CNTNAP5: variants seen among roughly 807,000 people sequenced by gnomAD.
CNTNAP5 encodes the protein contactin associated protein family member 5.
Under a neutral mutation model 150.2 loss-of-function variants are expected in CNTNAP5, and 72 were observed. That is an observed-to-expected ratio of 0.48 (90% CI 0.40 to 0.58). CNTNAP5 has a LOEUF of 0.58. Among genes scored for constraint, CNTNAP5 ranks in the 20% least tolerant of loss-of-function variants. CNTNAP5 has a pLI of 0.00. For missense variants in CNTNAP5, 1,636 were observed against 1,626.2 expected (o/e 1.01, Z -0.10); for synonymous variants, 672 against 619.8 (o/e 1.08, Z -1.25).
chr2:124,297,379 G>T (rs114652474), intron 3 of CNTNAP5, among the ~76,000 whole-genome samples: 3,203 of 152,210 alleles, frequency 0.021, 99 homozygotes, highest in African/African-American at 0.067. Flanking sequence ...CTGGGAAAAT[G>T]CACAGGAATG....
chr2:124,091,380 G>C (rs1053929309), intron 1 of CNTNAP5, among the ~76,000 whole-genome samples: 3 of 152,162 alleles, frequency 2.0e-5, no homozygotes, highest in African/African-American at 4.8e-5. Flanking sequence ...ACAGATGTGA[G>C]AGAAGGAGAG....
At chr2:124,713,303 T>TTCCTTC (rs1558746841) in intron 13 of CNTNAP5, among the ~76,000 whole-genome samples, 23 of 99,076 alleles carry the variant, frequency 2.3e-4, no homozygotes, top group Admixed American at 6.1e-4. Context: ...CTTTCTTTCT[T>TTCCTTC]CTTTCTCTTT....
At chr2:124,526,225 A>C (rs1292468838) in intron 9 of CNTNAP5, among the ~76,000 whole-genome samples, 1 of 152,204 alleles carries the variant, frequency 6.6e-6, no homozygotes, top group Non-Finnish European at 1.5e-5. Context: ...TGATTTGAAC[A>C]GTGTTTAAAC....
At chr2:124,160,562 C>A (rs1684652789) in intron 1 of CNTNAP5, among the ~76,000 whole-genome samples, 1 of 151,398 alleles carries the variant, frequency 6.6e-6, no homozygotes, top group Non-Finnish European at 1.5e-5. Context: ...AGACCATGGC[C>A]CATAAGCAAT....
rs534096807 is a variant in CNTNAP5, at chr2:124,544,382, A to C, written c.1649+16926A>C. Among the ~76,000 whole-genome samples the C allele has an allele frequency of 1.1e-4, 16 of 152,356 alleles. No homozygotes were observed. The South Asian group carries it at 2.5e-3, about 24-fold the overall frequency. ...CTAACATCAGATATGTAAAGAAAGA[A>C]GCCCATTCTGTGTTGCAACATCAAT... On this transcript the variant is annotated intron_variant, in intron 10 of 23. Coordinates refer to ENST00000682447, the MANE Select transcript of CNTNAP5 (RefSeq NM_001367498.1).
intron 1 of CNTNAP5, among the ~76,000 whole-genome samples, chr2:124,145,843 A>AAT (rs1161662178): frequency 1.2e-4 from 17 of 143,808 alleles, no homozygotes; most frequent in African/African-American, 4.4e-4. Context: ...AAAAAAAAAA[A>AAT]AAATAAAATA....
At chr2:124,792,885 G>A (rs10205359) in intron 18 of CNTNAP5, among the ~76,000 whole-genome samples, 13,263 of 152,190 alleles carry the variant, frequency 0.087, 1,057 homozygotes, top group African/African-American at 0.21. Context: ...TTGCCAAAGA[G>A]TGTTGCGCAG....
intron 3 of CNTNAP5, among the ~76,000 whole-genome samples, chr2:124,254,571 C>T (rs1005464141): frequency 2.3e-4 from 35 of 152,118 alleles, no homozygotes; most frequent in African/African-American, 7.7e-4. Context: ...GGTAAACCAC[C>T]AGGAGAGCCA....
At chr2:124,498,312 A>G (rs568370492) in intron 7 of CNTNAP5, among the ~76,000 whole-genome samples, 182 of 152,164 alleles carry the variant, frequency 1.2e-3, no homozygotes, top group Non-Finnish European at 2.2e-3. Flanking sequence ...GAAAGTTGCA[A>G]CCATTGTAGT....
chr2:124,593,305 T>G, intron 11 of CNTNAP5, among the ~76,000 whole-genome samples: 1 of 121,036 alleles, frequency 8.3e-6, no homozygotes, highest in African/African-American at 3.1e-5. Flanking sequence ...CCCACCACAG[T>G]CCCCAGAGTG....
rs561645481 is a variant in CNTNAP5 at position 124,062,002 on chromosome 2, C to A, written c.82+36270C>A. 6.6e-5 allele frequency among the ~76,000 whole-genome samples: 10 copies of A among 152,220 alleles called. No individual in the cohort carries two copies. In the South Asian group the frequency reaches 2.1e-3, roughly 32 times the overall value. On this transcript the variant is annotated intron_variant, in intron 1 of 23. Transcript: ENST00000682447. ...CTTCTTCTACACGCTGCTGGATATT[C>A]CAGGGATTTTTCATCTCTTACTTGG...
At chr2:124,469,939 C>T (rs181821519) in intron 6 of CNTNAP5, among the ~76,000 whole-genome samples, 6 of 152,118 alleles carry the variant, frequency 3.9e-5, no homozygotes, top group African/African-American at 7.2e-5. Context: ...TATTCCATGG[C>T]GTATATGTAC....
chr2:124,772,940 A>G lies in CNTNAP5; in HGVS notation c.2675A>G (p.Asp892Gly). The change falls in exon 17 of 24, where the codon GAC (aspartate) becomes GGC (glycine). Residue 892 changes from aspartate to glycine, a missense_variant. Coordinates refer to ENST00000682447, the MANE Select transcript of CNTNAP5 (RefSeq NM_001367498.1). Reference protein sequence around the residue: ...RNLKETSLQVDNLPRSTRETS... With the variant: ...RNLKETSLQVGNLPRSTRETS... ...CTCAAGGAGACCTCCCTGCAGGTGG[A>G]CAACCTTCCAAGGAGCACCAGGGAG... The G allele has an allele frequency of 6.2e-7, 1 of 1,613,776 alleles. No individual in the cohort carries two copies. The highest frequency in any genetic ancestry group is 8.5e-7 in the Non-Finnish European group (1 of 1,179,740).
intron 1 of CNTNAP5, among the ~76,000 whole-genome samples, chr2:124,055,606 T>C (rs1219377457): frequency 6.8e-6 from 1 of 146,374 alleles, no homozygotes; most frequent in African/African-American, 2.5e-5. Flanking sequence ...TTGCTGAGAG[T>C]TACCTGACCA....
intron 1 of CNTNAP5, among the ~76,000 whole-genome samples, chr2:124,207,865 C>A (rs1685900561): frequency 6.6e-6 from 1 of 152,158 alleles, no homozygotes; most frequent in Non-Finnish European, 1.5e-5. Context: ...ACTCTAAATA[C>A]AACTTAAACT....
chr2:124,781,969 T>G (rs968566809), intron 17 of CNTNAP5, among the ~76,000 whole-genome samples: 1 of 152,186 alleles, frequency 6.6e-6, no homozygotes, highest in African/African-American at 2.4e-5. Context: ...GAAACAGTCC[T>G]TGCCCAGAGG....
chr2:124,470,827 C>A (rs1275207685), intron 6 of CNTNAP5, among the ~76,000 whole-genome samples: 1 of 152,056 alleles, frequency 6.6e-6, no homozygotes, highest in Non-Finnish European at 1.5e-5. Context: ...AATAGGGAAT[C>A]TTTTTCCCAT....
chr2:124,211,826 C>G (rs1459628765), intron 1 of CNTNAP5, among the ~76,000 whole-genome samples: 1 of 152,076 alleles, frequency 6.6e-6, no homozygotes, highest in Non-Finnish European at 1.5e-5. Flanking sequence ...ATCATTATGC[C>G]TAGACCCATG....
intron 9 of CNTNAP5, among the ~76,000 whole-genome samples, chr2:124,524,752 G>A (rs969026166): frequency 6.6e-6 from 1 of 152,194 alleles, no homozygotes; most frequent in African/African-American, 2.4e-5. Context: ...GCCAAGCCCT[G>A]TAATCACATG....
Sources: allele counts gnomAD v4.1 joint callset (sites outside exome capture counted in the v4.1 genomes callset), GRCh38; gene constraint gnomAD v4.1.1; transcripts MANE v1.5; gene names NCBI Gene and HGNC (gene_info 2026-07-23, HGNC 2026-07-21).